LRRC7: variants seen among roughly 807,000 people sequenced by gnomAD.
LRRC7 encodes the protein leucine rich repeat containing 7.
In LRRC7, 23 loss-of-function variants were observed where a neutral mutation model predicts 175.7. The ratio of observed to expected loss-of-function variants is 0.13; its 90% CI spans 0.09 to 0.19. The LOEUF (loss-of-function observed/expected upper bound fraction) is 0.19, where lower values mean the gene tolerates loss of function less well. LRRC7 is among the 10% of genes least tolerant of loss of function. The pLI, the probability that LRRC7 is intolerant of heterozygous loss-of-function variation, is 1.00. For missense variants in LRRC7, 1,354 were observed against 1,904.7 expected, an observed-to-expected ratio of 0.71 and a Z score of 5.38; for synonymous variants, 685 against 680.9, an observed-to-expected ratio of 1.01 and a Z score of -0.09.
At chr1:69,691,911 T>C (rs923677586) in intron 2 of LRRC7, among the ~76,000 whole-genome samples, 1 of 151,600 alleles carries the variant, frequency 6.6e-6, no homozygotes, top group African/African-American at 2.4e-5. Context: ...ATAACTTTCA[T>C]ATTGCAAAAC....
intron 26 of LRRC7, among the ~76,000 whole-genome samples, chr1:70,120,756 G>A (rs985467816): frequency 6.6e-6 from 1 of 152,078 alleles, no homozygotes; most frequent in African/African-American, 2.4e-5. Flanking sequence ...CAGCCAAGCT[G>A]TCAACTTGAC....
At chr1:69,842,129 G>C (rs1681797103) in intron 7 of LRRC7, among the ~76,000 whole-genome samples, 1 of 151,996 alleles carries the variant, frequency 6.6e-6, no homozygotes, top group Non-Finnish European at 1.5e-5. Flanking sequence ...TTATTAAAAT[G>C]TGTCACATTT....
Position 69,757,654 on chromosome 1 carries a change from C to T in LRRC7, c.101-2537C>T, listed in dbSNP as rs368119193. ...ACTGGCCAAATGGTTTAGGTTCAGG[C>T]CTGGATATTGTGTTTTTCCTCTTAG... On this transcript the variant is annotated intron_variant, in intron 2 of 26. Transcript: ENST00000651989. Among the ~76,000 whole-genome samples, 7 of 151,962 alleles carry T rather than the reference C, an allele frequency of 4.6e-5. No individual in the cohort carries two copies. In the East Asian group the frequency reaches 1.4e-3, roughly 29 times the overall value.
At chr1:69,980,567 T>G (rs1224837198) in intron 9 of LRRC7, 114 bp downstream of exon 9, 3 of 810,962 alleles carry the variant, frequency 3.7e-6, no homozygotes, top group Non-Finnish European at 5.9e-6. Context: ...AAAATAATAC[T>G]CATTAGGAGT....
intron 4 of LRRC7, among the ~76,000 whole-genome samples, chr1:69,805,515 T>C (rs901906754): frequency 6.6e-6 from 1 of 151,898 alleles, no homozygotes; most frequent in African/African-American, 2.4e-5. Flanking sequence ...TAAAGCTCAT[T>C]ATTTTATTCT....
At chr1:69,718,084 G>T (rs1665829620) in intron 2 of LRRC7, among the ~76,000 whole-genome samples, 1 of 83,770 alleles carries the variant, frequency 1.2e-5, no homozygotes, top group South Asian at 3.8e-4. Context: ...AGAAGAGAGA[G>T]AAAAAGAAAG....
In LRRC7 at chr1:70,139,079, A is replaced by G. The variant is rs2102285581; in HGVS notation, c.*17192A>G. On this transcript the variant is annotated 3_prime_UTR_variant, in exon 27 of 27. Transcript: ENST00000651989. ...GGTTATTCTAATGCTTCCTACTGCA[A>G]AAACCAAGCCCACAAGTCTCCAATC... 1 of 152,332 alleles carries G rather than the reference A, an allele frequency of 6.6e-6. No individual in the cohort carries two copies. Among genetic ancestry groups the G allele is most frequent in the Non-Finnish European group, 1.5e-5 (1 of 68,012 alleles). The allele number at this position is 152,332 out of a possible 1,614,324, so 9.4% of individuals were successfully genotyped here.
intron 8 of LRRC7, among the ~76,000 whole-genome samples, chr1:69,941,293 G>C (rs1165116314): frequency 6.6e-6 from 1 of 152,056 alleles, no homozygotes; most frequent in East Asian, 1.9e-4. Context: ...GTTTGAGCAA[G>C]TAGAACCTCG....
chr1:69,754,890 A>G (rs960117725), intron 2 of LRRC7, among the ~76,000 whole-genome samples: 6 of 152,080 alleles, frequency 3.9e-5, no homozygotes, highest in Non-Finnish European at 7.4e-5. Context: ...CTTATGAAAA[A>G]TGAAGTGAGA....
At chr1:70,094,972 T>C (rs1664287027) in intron 25 of LRRC7, among the ~76,000 whole-genome samples, 1 of 152,206 alleles carries the variant, frequency 6.6e-6, no homozygotes, top group African/African-American at 2.4e-5. Context: ...CCATATAGCA[T>C]AAGATGTATA....
At chr1:69,851,591 G>T (rs115462629) in intron 7 of LRRC7, among the ~76,000 whole-genome samples, 1 of 152,046 alleles carries the variant, frequency 6.6e-6, no homozygotes. Context: ...AGATAAAAAC[G>T]TTCTCAACTA....
chr1:69,994,749 G>A, intron 11 of LRRC7, 116 bp downstream of exon 11: 1 of 611,326 alleles, frequency 1.6e-6, no homozygotes, highest in East Asian at 2.8e-5. Flanking sequence ...CTGTTCATCT[G>A]TCAGCTTATT....
intron 24 of LRRC7, among the ~76,000 whole-genome samples, chr1:70,078,798 G>GCACA (rs1327136403): frequency 4.4e-4 from 45 of 101,270 alleles, no homozygotes; most frequent in African/African-American, 2.7e-3. Flanking sequence ...ATATACGCGC[G>GCACA]CGCGCGCGCG....
At chr1:69,915,396 A>AC (rs1392054582) in intron 7 of LRRC7, among the ~76,000 whole-genome samples, 1 of 152,194 alleles carries the variant, frequency 6.6e-6, no homozygotes, top group East Asian at 1.9e-4. Context: ...CTATGATTTC[A>AC]CAGACTGAGA....
intron 1 of LRRC7, among the ~76,000 whole-genome samples, chr1:69,673,659 G>T (rs1341721376): frequency 1.3e-5 from 2 of 152,154 alleles, no homozygotes; most frequent in African/African-American, 4.8e-5. Flanking sequence ...TTGAGAAGAT[G>T]CAAGTTTCAG....
At chr1:70,089,327 A>G (rs938106099) in intron 24 of LRRC7, among the ~76,000 whole-genome samples, 6 of 152,292 alleles carry the variant, frequency 3.9e-5, no homozygotes, top group Non-Finnish European at 8.8e-5. Context: ...TCTACATTTT[A>G]AAGTTTTGTT....
intron 1 of LRRC7, among the ~76,000 whole-genome samples, chr1:69,618,714 T>TAAA (rs996222794): frequency 1.3e-5 from 2 of 152,156 alleles, no homozygotes; most frequent in Non-Finnish European, 2.9e-5. Flanking sequence ...ATATTCTACT[T>TAAA]AAAACAGCAA....
chr1:69,925,230 A>G (rs1557895153), intron 7 of LRRC7, among the ~76,000 whole-genome samples: 1 of 152,308 alleles, frequency 6.6e-6, no homozygotes, highest in Middle Eastern at 3.4e-3. Context: ...TTTTCCATCA[A>G]TGTTCATCAA....
At chr1:69,806,706 A>G (rs1355389164) in intron 4 of LRRC7, among the ~76,000 whole-genome samples, 2 of 151,984 alleles carry the variant, frequency 1.3e-5, no homozygotes, top group East Asian at 3.9e-4. Flanking sequence ...GAGTGTAATC[A>G]ATGAAATTTA....
Sources: gnomAD v4.1 joint callset for allele counts (sites outside exome capture counted in the v4.1 genomes callset) on GRCh38, gnomAD v4.1.1 for gene constraint, MANE v1.5 for transcripts, NCBI Gene and HGNC (gene_info 2026-07-23, HGNC 2026-07-21) for gene names.